The following ZPBP variants were observed in gnomAD, a reference collection of about 807,000 sequenced individuals.
The protein encoded by ZPBP is zona pellucida-binding protein 1.
ZPBP carries 26 observed loss-of-function variants against 44.8 expected under a neutral mutation model. The ratio of observed to expected loss-of-function variants is 0.58; its 90% CI spans 0.43 to 0.81. The LOEUF is 0.81. Among genes scored for constraint, ZPBP ranks in the 30% least tolerant of loss-of-function variants. The probability of loss-of-function intolerance (pLI) is 0.00; values close to 1 mark genes in which losing one functional copy is unlikely to be tolerated. For synonymous variants in ZPBP, 174 were observed against 153.2 expected, an observed-to-expected ratio of 1.14 and a Z score of -1.00; for missense variants, 409 against 434.0, an observed-to-expected ratio of 0.94 and a Z score of 0.51.
At chr7:50,057,390 C>T (rs969637775) in intron 4 of ZPBP, among the ~76,000 whole-genome samples, 1 of 152,158 alleles carries the variant, frequency 6.6e-6, no homozygotes, top group Non-Finnish European at 1.5e-5. Flanking sequence ...TTCTCCCACC[C>T]TGAATCCTCA....
At chr7:49,947,775 G>C (rs1197580619) in intron 7 of ZPBP, among the ~76,000 whole-genome samples, 10 of 152,198 alleles carry the variant, frequency 6.6e-5, no homozygotes, top group Non-Finnish European at 1.3e-4. Flanking sequence ...AGTCCAGCCA[G>C]GCTCATATCC....
At chr7:50,011,784 G>A (rs1473107591) in intron 6 of ZPBP, among the ~76,000 whole-genome samples, 1 of 152,128 alleles carries the variant, frequency 6.6e-6, no homozygotes, top group African/African-American at 2.4e-5. Flanking sequence ...AGGTGTGGTG[G>A]CTCATGACTG....
At chr7:50,077,080 C>G (rs574742920) in intron 3 of ZPBP, among the ~76,000 whole-genome samples, 37 of 151,740 alleles carry the variant, frequency 2.4e-4, no homozygotes, top group Admixed American at 2.3e-3. Context: ...AATGGAGAAC[C>G]CAGAAACAAA....
At position 50,069,728 on chromosome 7, in the gene ZPBP, C is replaced by T. The variant is rs377417271; in HGVS notation, c.335-11587G>A. On this transcript the variant is annotated intron_variant, in intron 3 of 7. Transcript: ENST00000046087. ...TTCCCTCCTATTTCCTCCCTTGCAA[C>T]GCACTTTCACTCTCACTTTCACTCT... is the stretch of plus-strand genomic sequence containing the variant. 1.2e-4 allele frequency among the ~76,000 whole-genome samples: 19 copies of T among 152,072 alleles called. No homozygotes were observed. The South Asian group carries it at 1.5e-3, about 12-fold the overall frequency.
chr7:50,045,345 A>T (rs1247706731), intron 4 of ZPBP, among the ~76,000 whole-genome samples: 1 of 152,208 alleles, frequency 6.6e-6, no homozygotes, highest in Non-Finnish European at 1.5e-5. Flanking sequence ...AAATAGGAAG[A>T]GAGGAAGTCA....
intron 5 of ZPBP, among the ~76,000 whole-genome samples, chr7:50,028,725 AATTC>A (rs1799451006): frequency 6.6e-6 from 1 of 152,100 alleles, no homozygotes; most frequent in African/African-American, 2.4e-5. Context: ...GAATTAAGAA[AATTC>A]TACTTATAAT....
At position 49,887,269 on chromosome 7, in the gene ZPBP, T is replaced by TAGC. The variant is rs552775335; in HGVS notation, n.509+13846_509+13848dup. ...TATTAGTGGCTCTGTGTGTGATTCT[T>TAGC]AGCAATTTCTCAGCAGCAATTTTGA... is the stretch of plus-strand genomic sequence containing the variant. On this transcript the variant is annotated intron_variant and non_coding_transcript_variant, in intron 2 of 2. Transcript: ENST00000465922. Among the ~76,000 whole-genome samples, 446 of 152,336 alleles carry TAGC rather than the reference T, an allele frequency of 2.9e-3. 6 individuals are homozygous for TAGC. The highest frequency in any genetic ancestry group is 5.2e-3 in the Admixed American group (79 of 15,300).
At chr7:50,005,829 G>A (rs943715901) in intron 6 of ZPBP, among the ~76,000 whole-genome samples, 3 of 36,990 alleles carry the variant, frequency 8.1e-5, no homozygotes, top group East Asian at 1.4e-3. Flanking sequence ...ATATATGTGT[G>A]TGTGTGTGTG....
chr7:49,985,804 T>C (rs772061585), intron 6 of ZPBP, among the ~76,000 whole-genome samples: 1 of 152,172 alleles, frequency 6.6e-6, no homozygotes, highest in Non-Finnish European at 1.5e-5. Flanking sequence ...AAGGGTCTTG[T>C]CTGCACATGC....
chr7:49,851,551 C>A (rs13232084), intron 2 of ZPBP, among the ~76,000 whole-genome samples: 1 of 152,188 alleles, frequency 6.6e-6, no homozygotes, highest in Non-Finnish European at 1.5e-5. Flanking sequence ...GCTCTGGGAC[C>A]AACTCTGAAA....
Position 49,889,216 on chromosome 7 carries a change from A to C in ZPBP, n.509+11902T>G, listed in dbSNP as rs371125431. On this transcript the variant is annotated intron_variant and non_coding_transcript_variant, in intron 2 of 2. Coordinates refer to the ZPBP transcript ENST00000465922. ...AGCTGATGTTTGTGACTTTTAAAAT[A>C]TATTAATGGAATTTGGAGAAGGGGC... 1.4e-3 allele frequency among the ~76,000 whole-genome samples: 219 copies of C among 152,272 alleles called. 3 individuals are homozygous for C. Among genetic ancestry groups the C allele is most frequent in the African/African-American group, 5.0e-3 (209 of 41,550 alleles).
chr7:49,850,722 A>G (rs1472256913), intron 2 of ZPBP, among the ~76,000 whole-genome samples: 2 of 152,250 alleles, frequency 1.3e-5, no homozygotes, highest in Non-Finnish European at 2.9e-5. Flanking sequence ...TTGGTCTCCA[A>G]TATCTCACCT....
At chr7:49,928,334 A>G (rs1396580317) in intron 1 of ZPBP, among the ~76,000 whole-genome samples, 1 of 152,132 alleles carries the variant, frequency 6.6e-6, no homozygotes, top group African/African-American at 2.4e-5. Context: ...CAAATTTCCA[A>G]TCTTATTCCT....
At chr7:50,077,188 A>T (rs1347363770) in intron 3 of ZPBP, among the ~76,000 whole-genome samples, 1 of 144,622 alleles carries the variant, frequency 6.9e-6, no homozygotes, top group African/African-American at 2.5e-5. Flanking sequence ...GGAAAACTGG[A>T]TATCCATATG....
intron 2 of ZPBP, among the ~76,000 whole-genome samples, chr7:49,856,693 G>A (rs1324506795): frequency 6.6e-6 from 1 of 152,114 alleles, no homozygotes; most frequent in Non-Finnish European, 1.5e-5. Context: ...ACCTCCAAAA[G>A]TTCTCTGATG....
chr7:49,844,850 G>C, the ZPBP span, among the ~76,000 whole-genome samples: 6 of 151,908 alleles, frequency 3.9e-5, no homozygotes, highest in Admixed American at 2.0e-4. Flanking sequence ...CCGCCACTAC[G>C]TCCAACTAAA....
At chr7:49,877,171 T>G (rs552494605) in intron 2 of ZPBP, among the ~76,000 whole-genome samples, 2 of 151,772 alleles carry the variant, frequency 1.3e-5, no homozygotes, top group South Asian at 4.2e-4. Context: ...CTCAAAAATA[T>G]TTATTTGGGG....
chr7:50,038,887 G>A (rs140015025), intron 4 of ZPBP, among the ~76,000 whole-genome samples: 12 of 152,302 alleles, frequency 7.9e-5, no homozygotes, highest in South Asian at 2.1e-4. Context: ...CGTAGCCTAC[G>A]TGTGCAGTAA....
chr7:49,941,150 T>C (rs1274667549), intron 7 of ZPBP, among the ~76,000 whole-genome samples: 1 of 152,090 alleles, frequency 6.6e-6, no homozygotes, highest in Non-Finnish European at 1.5e-5. Context: ...CAGAAAATAT[T>C]TATTGGTCAT....
Sources: allele counts gnomAD v4.1 joint callset (sites outside exome capture counted in the v4.1 genomes callset), GRCh38; gene constraint gnomAD v4.1.1; transcripts MANE v1.5; gene names NCBI Gene and HGNC (gene_info 2026-07-23, HGNC 2026-07-21).